GRK1: variants seen among roughly 807,000 people sequenced by gnomAD.
GRK1 encodes the protein rhodopsin kinase GRK1.
In GRK1, 28 loss-of-function variants were observed where a neutral mutation model predicts 41.7. The observed-to-expected ratio is 0.67, with a 90% CI of 0.50 to 0.92. The LOEUF (loss-of-function observed/expected upper bound fraction) is 0.92. GRK1 is among the 40% of genes least tolerant of loss of function. The probability of loss-of-function intolerance (pLI) is 0.00; values close to 1 mark genes in which losing one functional copy is unlikely to be tolerated. For synonymous variants in GRK1, 327 were observed against 286.7 expected, an observed-to-expected ratio of 1.14 and a Z score of -1.42; for missense variants, 703 against 671.2, an observed-to-expected ratio of 1.05 and a Z score of -0.52.
intron 4 of GRK1, among the ~76,000 whole-genome samples, chr13:113,725,218 G>C (rs547746122): frequency 3.7e-3 from 569 of 151,968 alleles, no homozygotes; most frequent in African/African-American, 0.013. Context: ...ACAGCCATAA[G>C]AAGCCTGTCG....
chr13:113,658,682 G>C, the GRK1 span, among the ~76,000 whole-genome samples: 7 of 152,334 alleles, frequency 4.6e-5, no homozygotes, highest in Non-Finnish European at 1.0e-4. Context: ...GGGTGAGCCT[G>C]GCAGCTGGAG....
the GRK1 span, among the ~76,000 whole-genome samples, chr13:113,648,234 G>A: frequency 5.3e-5 from 8 of 152,266 alleles, no homozygotes; most frequent in African/African-American, 9.6e-5. Context: ...TTGGTACAGC[G>A]TCTTCCATCG....
At position 113,731,588 on chromosome 13, in the gene GRK1, G is replaced by A. The variant is rs1022147564; in HGVS notation, c.1194+245G>A. On this transcript the variant is annotated intron_variant, in intron 5 of 6. Transcript: ENST00000335678. The surrounding 1 kb of genome is among the most constrained non-coding windows in gnomAD (Gnocchi z 5.6). Reference sequence around the variant, plus strand: ...GGGCTGAGGGATTCCCAGTCACCCTGTGCCCCAGAGCAAGCAGACCCTCCC... The same window carrying A: ...GGGCTGAGGGATTCCCAGTCACCCTATGCCCCAGAGCAAGCAGACCCTCCC... 1.3e-5 allele frequency among the ~76,000 whole-genome samples: 2 copies of A among 152,156 alleles called. No homozygotes were observed. Among genetic ancestry groups the A allele is most frequent in the African/African-American group, 4.8e-5 (2 of 41,430 alleles).
chr13:113,658,052 G>A, the GRK1 span: 2 of 1,605,770 alleles, frequency 1.2e-6, no homozygotes, highest in Non-Finnish European at 1.7e-6. Flanking sequence ...ACAGGGTGCG[G>A]CCCAGCATCT....
Position 113,729,555 on chromosome 13 carries a change from G to A in GRK1, c.1070-1664G>A, listed in dbSNP as rs147947526. 5.1e-3 allele frequency among the ~76,000 whole-genome samples: 784 copies of A among 152,344 alleles called. 4 individuals carry two copies. Among genetic ancestry groups the A allele is most frequent in the African/African-American group, 0.018 (742 of 41,582 alleles). On this transcript the variant is annotated intron_variant, in intron 4 of 6. Transcript: ENST00000335678. Reference sequence around the variant, plus strand: ...AGACTGATGATGGGTGAGGGGAGCCGGCAGCTGACACAAGGAAGCAGAATG... The same window carrying A: ...AGACTGATGATGGGTGAGGGGAGCCAGCAGCTGACACAAGGAAGCAGAATG...
intron 4 of GRK1, among the ~76,000 whole-genome samples, chr13:113,727,944 G>A (rs2049902099): frequency 1.1e-5 from 1 of 91,432 alleles, no homozygotes; most frequent in Non-Finnish European, 2.1e-5. Context: ...CCATGGCGAT[G>A]AGGAGTACCC....
rs966189016 is a variant in GRK1 at position 113,735,550 on chromosome 13, G to A, written c.*187G>A. On this transcript the variant is annotated 3_prime_UTR_variant, in exon 7 of 7. Transcript: ENST00000335678. ...CCCACATCGGCCTGAGCCGCCAGAC[G>A]CACATGCTGGTGCCGTGAGCCCCCG... 6 of 568,044 alleles carry A rather than the reference G, an allele frequency of 1.1e-5. No individual in the cohort carries two copies. Among genetic ancestry groups the A allele is most frequent in the African/African-American group, 3.8e-5 (2 of 52,820 alleles). The allele number at this position is 568,044 out of a possible 1,614,324, so 35.2% of individuals were successfully genotyped here.
chr13:113,651,418 C>T, the GRK1 span, among the ~76,000 whole-genome samples: 1 of 152,228 alleles, frequency 6.6e-6, no homozygotes. Flanking sequence ...CGTTTTGAAG[C>T]GTGCTGCTGA....
Position 113,735,220 on chromosome 13 carries a change from C to T in GRK1, c.1549C>T (p.Pro517Ser), listed in dbSNP as rs1287641131. Reference protein sequence around the residue: ...QEFATGNCPIPWQEEMIETGI... With the variant: ...QEFATGNCPISWQEEMIETGI... ...ATTTGCCACTGGCAACTGCCCCATC[C>T]CCTGGCAGGAGGAGATGATCGAGAC... The change falls in exon 7 of 7, where the codon CCC (proline) becomes TCC (serine). Residue 517 changes from proline to serine, a missense_variant. Pro to Ser is a moderately conservative substitution (Grantham distance 74). Transcript: ENST00000335678. 2.6e-6 allele frequency: 4 copies of T among 1,537,080 alleles called. No individual in the cohort carries two copies. The South Asian group carries it at 3.6e-5, about 14-fold the overall frequency.
In GRK1 at chr13:113,731,645, G is replaced by C. The variant is rs763634999; in HGVS notation, c.1194+302G>C. Among the ~76,000 whole-genome samples, 2 of 152,184 alleles carry C rather than the reference G, an allele frequency of 1.3e-5. No individual in the cohort carries two copies. The highest frequency in any genetic ancestry group is 2.9e-5 in the Non-Finnish European group (2 of 68,020). On this transcript the variant is annotated intron_variant, in intron 5 of 6. Coordinates refer to ENST00000335678, the MANE Select transcript of GRK1 (RefSeq NM_002929.3). The surrounding 1 kb of genome is among the most constrained non-coding windows in gnomAD (Gnocchi z 5.6). ...CAGCACGCCACCACTCAGCCTCTGA[G>C]GGCCCTGTGGGGGCCGGTCCCTCTG... is the stretch of plus-strand genomic sequence containing the variant.
chr13:113,667,133 C>T (rs997696938), upstream of GRK1: 21 of 457,946 alleles, frequency 4.6e-5, no homozygotes, highest in Non-Finnish European at 3.5e-5. The surrounding 1 kb of genome is among the most constrained non-coding windows in gnomAD (Gnocchi z 7.5). Context: ...TTTCTAGCAC[C>T]TTCTTGCCAC....
At chr13:113,654,372 G>C in the GRK1 span, among the ~76,000 whole-genome samples, 3 of 152,310 alleles carry the variant, frequency 2.0e-5, no homozygotes, top group Admixed American at 6.5e-5. Flanking sequence ...TGATGTGTAG[G>C]TGACCAGCGG....
rs572666922 is a variant in GRK1, at chr13:113,723,151, A to T, written c.1063A>T (p.Thr355Ser). 5 of 700,812 alleles carry T rather than the reference A, an allele frequency of 7.1e-6. No individual in the cohort carries two copies. The South Asian group carries it at 7.4e-5, about 10-fold the overall frequency. The allele number at this position is 700,812 out of a possible 1,614,324, so 43.4% of individuals were successfully genotyped here. Reference protein sequence around the residue: ...GQSKTKGYAGTPGFMAPELLQ... With the variant: ...GQSKTKGYAGSPGFMAPELLQ... ...GAGCAAGACCAAGGGCTACGCAGGG[A>T]CCCCAGGTAAGGGTCTGAGCGCAGC... The change falls in exon 4 of 7, where the codon ACC becomes TCC. Residue 355 changes from threonine to serine, a missense_variant. Coordinates refer to ENST00000335678, the MANE Select transcript of GRK1 (RefSeq NM_002929.3).
chr13:113,653,309 T>C, the GRK1 span: 1 of 1,609,248 alleles, frequency 6.2e-7, no homozygotes, highest in East Asian at 2.2e-5. Flanking sequence ...CACCTGCCGT[T>C]TCACACCTCA....
chr13:113,724,507 C>T (rs1566695592), intron 4 of GRK1, among the ~76,000 whole-genome samples: 1 of 151,932 alleles, frequency 6.6e-6, no homozygotes, highest in Non-Finnish European at 1.5e-5. Context: ...GCCGTGGCCA[C>T]GGGGGGGACA....
the GRK1 span, among the ~76,000 whole-genome samples, chr13:113,650,700 A>T: frequency 6.9e-4 from 105 of 152,290 alleles, 1 homozygote; most frequent in East Asian, 0.018. This position sits in a 1 kb window ranked among gnomAD's most constrained non-coding sequence, Gnocchi z 5.0. Context: ...ATGATTTGTT[A>T]GCATGCAAAA....
intron 2 of GRK1, among the ~76,000 whole-genome samples, chr13:113,670,228 G>T (rs1333042299): frequency 1.3e-5 from 2 of 152,086 alleles, no homozygotes; most frequent in Admixed American, 1.3e-4. Flanking sequence ...GTCCAGCTGG[G>T]GGCCGTGATC....
the GRK1 span, chr13:113,648,814 A>G: frequency 6.6e-6 from 1 of 152,192 alleles, no homozygotes; most frequent in African/African-American, 2.4e-5. Flanking sequence ...TTTTTAAGGA[A>G]GCGTTTGGTT....
the GRK1 span, among the ~76,000 whole-genome samples, chr13:113,659,477 C>G: frequency 6.6e-6 from 1 of 152,188 alleles, no homozygotes; most frequent in Non-Finnish European, 1.5e-5. Flanking sequence ...CATTACGCTG[C>G]TTTAATTTTT....
Sources: gnomAD v4.1 joint callset for allele counts (sites outside exome capture counted in the v4.1 genomes callset) on GRCh38, gnomAD v4.1.1 for gene constraint, Gnocchi (gnomAD v3.1) non-coding constraint, MANE v1.5 for transcripts, NCBI Gene and HGNC (gene_info 2026-07-23, HGNC 2026-07-21) for gene names.